Variants in MACROD2 observed in about 807,000 individuals in gnomAD.
The protein encoded by MACROD2 is mono-ADP ribosylhydrolase 2, also known as ADP-ribose glycohydrolase MACROD2.
Under a neutral mutation model 70.4 loss-of-function variants are expected in MACROD2, and 36 were observed. The observed-to-expected ratio is 0.51, with a 90% CI of 0.39 to 0.68. MACROD2 has a LOEUF of 0.68. Among genes scored for constraint, MACROD2 ranks in the 30% least tolerant of loss-of-function variants. The pLI is 0.00. For synonymous variants in MACROD2, 172 were observed against 178.8 expected (o/e 0.96, Z 0.30); for missense variants, 496 against 538.4 (o/e 0.92, Z 0.78).
intron 8 of MACROD2, among the ~76,000 whole-genome samples, chr20:15,687,255 G>A (rs2050239318): frequency 6.7e-6 from 1 of 149,990 alleles, no homozygotes; most frequent in Admixed American, 6.6e-5. Context: ...TTTCTCAAAA[G>A]ATCACTGTGA....
intron 8 of MACROD2, among the ~76,000 whole-genome samples, chr20:15,782,026 T>A (rs1439237248): frequency 6.6e-6 from 1 of 152,082 alleles, no homozygotes; most frequent in Admixed American, 6.6e-5. Flanking sequence ...TTAAAATAGA[T>A]CTCTTGGCAC....
chr20:14,611,877 A>C (rs559692244), intron 4 of MACROD2, among the ~76,000 whole-genome samples: 2 of 152,116 alleles, frequency 1.3e-5, no homozygotes, highest in African/African-American at 2.4e-5. Flanking sequence ...TAAATTTGCA[A>C]CCTTTTAAAA....
At chr20:15,199,978 G>A (rs541850702) in intron 5 of MACROD2, among the ~76,000 whole-genome samples, 2 of 152,300 alleles carry the variant, frequency 1.3e-5, no homozygotes, top group Admixed American at 1.3e-4. Flanking sequence ...CATTCATAAT[G>A]ATACCAACTC....
At chr20:14,291,228 T>C (rs567373550) in intron 3 of MACROD2, among the ~76,000 whole-genome samples, 58 of 152,320 alleles carry the variant, frequency 3.8e-4, no homozygotes, top group African/African-American at 1.3e-3. Flanking sequence ...AGGACATTCA[T>C]CCAGTCCTAG....
chr20:15,995,505 G>A (rs571538967), intron 15 of MACROD2, among the ~76,000 whole-genome samples: 33 of 150,104 alleles, frequency 2.2e-4, no homozygotes, highest in Non-Finnish European at 3.8e-4. Flanking sequence ...GCCCGCCACC[G>A]TGCCCGGCTA....
intron 3 of MACROD2, among the ~76,000 whole-genome samples, chr20:14,471,331 T>C (rs2084528234): frequency 6.6e-6 from 1 of 152,198 alleles, no homozygotes; most frequent in African/African-American, 2.4e-5. Flanking sequence ...TCTACATTGA[T>C]CTCACTGGGA....
intron 3 of MACROD2, among the ~76,000 whole-genome samples, chr20:14,357,637 A>G (rs574182647): frequency 2.0e-5 from 3 of 152,322 alleles, no homozygotes; most frequent in Admixed American, 2.0e-4. Context: ...TTAGACACCA[A>G]ATACAGCCTA....
chr20:14,091,984 G>T (rs1248365592), intron 3 of MACROD2, among the ~76,000 whole-genome samples: 1 of 152,104 alleles, frequency 6.6e-6, no homozygotes, highest in Non-Finnish European at 1.5e-5. Context: ...TTACATGTAA[G>T]TGCATGTTTA....
At chr20:14,220,333 C>T (rs1046449936) in intron 3 of MACROD2, among the ~76,000 whole-genome samples, 1 of 152,086 alleles carries the variant, frequency 6.6e-6, no homozygotes, top group South Asian at 2.1e-4. Context: ...AGTCACAGGC[C>T]TCACCCAACT....
At chr20:15,906,486 A>T (rs896534399) in intron 10 of MACROD2, among the ~76,000 whole-genome samples, 5 of 152,320 alleles carry the variant, frequency 3.3e-5, no homozygotes, top group Admixed American at 3.3e-4. Flanking sequence ...TTCATCCTGC[A>T]TGAGCACAAT....
intron 3 of MACROD2, among the ~76,000 whole-genome samples, chr20:14,088,871 C>T (rs954435118): frequency 3.9e-5 from 6 of 152,134 alleles, no homozygotes; most frequent in East Asian, 1.9e-4. Flanking sequence ...GCATTGGAAA[C>T]GACACAGTGA....
chr20:15,847,647 A>G (rs959481379), intron 8 of MACROD2, among the ~76,000 whole-genome samples: 53 of 152,172 alleles, frequency 3.5e-4, no homozygotes, highest in Admixed American at 3.3e-3. Flanking sequence ...ATATAACAAG[A>G]TTAGTATAAT....
intron 6 of MACROD2, among the ~76,000 whole-genome samples, chr20:15,360,818 T>C (rs932493470): frequency 6.7e-6 from 1 of 148,450 alleles, no homozygotes; most frequent in Non-Finnish European, 1.5e-5. Context: ...TGTTGCACAG[T>C]TTTTTTTTCG....
At chr20:14,864,982 A>T (rs928276670) in intron 5 of MACROD2, among the ~76,000 whole-genome samples, 3 of 152,088 alleles carry the variant, frequency 2.0e-5, no homozygotes, top group Non-Finnish European at 4.4e-5. Flanking sequence ...TCCAAGCTTG[A>T]CAAATTGCTC....
intron 5 of MACROD2, among the ~76,000 whole-genome samples, chr20:14,705,160 A>G (rs1183011519): frequency 6.6e-6 from 1 of 151,946 alleles, no homozygotes; most frequent in African/African-American, 2.4e-5. Flanking sequence ...TTTCTTAACT[A>G]TCCTCCTCAT....
chr20:15,732,718 T>G (rs964459604), intron 8 of MACROD2, among the ~76,000 whole-genome samples: 7 of 151,990 alleles, frequency 4.6e-5, no homozygotes, highest in Non-Finnish European at 8.8e-5. Context: ...TTGTTTAGGA[T>G]TTTTACATCT....
At chr20:14,088,823 T>C (rs989081375) in intron 3 of MACROD2, among the ~76,000 whole-genome samples, 23 of 152,202 alleles carry the variant, frequency 1.5e-4, no homozygotes, top group Non-Finnish European at 2.9e-5. Flanking sequence ...TTAATATGTA[T>C]GATTGAATTT....
At chr20:14,466,379 CTCCATCAGG>C (rs1195788461) in intron 3 of MACROD2, among the ~76,000 whole-genome samples, 3 of 152,244 alleles carry the variant, frequency 2.0e-5, no homozygotes, top group Non-Finnish European at 4.4e-5. Flanking sequence ...TGGTTTTCAG[CTCCATCAGG>C]TCCTTTAAGG....
At chr20:15,849,693 T>C (rs2064274979) in intron 8 of MACROD2, among the ~76,000 whole-genome samples, 3 of 152,220 alleles carry the variant, frequency 2.0e-5, no homozygotes, top group African/African-American at 4.8e-5. Flanking sequence ...AAAGTAATTA[T>C]TAACTTTTGT....
Sources: allele counts gnomAD v4.1 joint callset (sites outside exome capture counted in the v4.1 genomes callset), GRCh38; gene constraint gnomAD v4.1.1; transcripts MANE v1.5; gene names NCBI Gene and HGNC (gene_info 2026-07-23, HGNC 2026-07-21).